Variants in TBC1D31 observed in about 807,000 individuals in gnomAD.
TBC1D31 encodes TBC1 domain family member 31.
In TBC1D31, 99 loss-of-function variants were observed where a neutral mutation model predicts 132.9. The ratio of observed to expected loss-of-function variants is 0.74; its 90% CI spans 0.63 to 0.88. TBC1D31 has a LOEUF of 0.88. TBC1D31 is among the 40% of genes least tolerant of loss of function. TBC1D31 has a pLI of 0.00. For synonymous variants in TBC1D31, 385 were observed against 419.4 expected, an observed-to-expected ratio of 0.92 and a Z score of 1.00; for missense variants, 1,134 against 1,256.6, an observed-to-expected ratio of 0.90 and a Z score of 1.48.
intron 6 of TBC1D31, 170 bp downstream of exon 6, chr8:123,097,611 T>C (rs1431036731): frequency 4.5e-6 from 3 of 664,900 alleles, no homozygotes; most frequent in Non-Finnish European, 7.0e-6. Flanking sequence ...TTCAAAATCT[T>C]GTATTCTTTA....
At chr8:123,116,641 C>T (rs1818936995) in intron 10 of TBC1D31, among the ~76,000 whole-genome samples, 2 of 151,946 alleles carry the variant, frequency 1.3e-5, no homozygotes, top group Non-Finnish European at 2.9e-5. Flanking sequence ...ACCCTGGTAA[C>T]AGTGAGCGCA....
chr8:123,097,646 A>C (rs1174918250), intron 6 of TBC1D31: 5 of 484,776 alleles, frequency 1.0e-5, no homozygotes, highest in Non-Finnish European at 1.7e-5. Flanking sequence ...TGCTCTTTTT[A>C]TAAAATCAAC....
At chr8:123,162,264 G>T in the TBC1D31 span, among the ~76,000 whole-genome samples, 1 of 152,048 alleles carries the variant, frequency 6.6e-6, no homozygotes, top group Admixed American at 6.6e-5. Context: ...ACAAAAAATA[G>T]AGTTTATTAG....
intron 4 of TBC1D31, among the ~76,000 whole-genome samples, chr8:123,085,840 A>G (rs540503759): frequency 1.3e-5 from 2 of 152,304 alleles, no homozygotes; most frequent in African/African-American, 4.8e-5. Flanking sequence ...GTTTTTTTCC[A>G]ACTATGTAGA....
chr8:123,156,425 A>G (rs1413995242), downstream of TBC1D31, among the ~76,000 whole-genome samples: 1 of 139,772 alleles, frequency 7.2e-6, no homozygotes, highest in Non-Finnish European at 1.5e-5. Context: ...TGGGCAACAG[A>G]GTGAGACCCT....
chr8:123,115,965 A>G (rs1349523880), intron 10 of TBC1D31, among the ~76,000 whole-genome samples: 1 of 152,178 alleles, frequency 6.6e-6, no homozygotes, highest in Non-Finnish European at 1.5e-5. Flanking sequence ...GGAGGGGGAC[A>G]GTTTTCATTA....
the TBC1D31 span, among the ~76,000 whole-genome samples, chr8:123,158,019 T>C: frequency 1.2e-4 from 1 of 8,082 alleles, no homozygotes; most frequent in African/African-American, 8.3e-4. Flanking sequence ...TTTTTCTTCC[T>C]TTTTTTTTTT....
chr8:123,159,916 G>A, the TBC1D31 span, among the ~76,000 whole-genome samples: 1 of 152,176 alleles, frequency 6.6e-6, no homozygotes, highest in Non-Finnish European at 1.5e-5. Flanking sequence ...AACAGTTTTA[G>A]CGTCACAGAA....
chr8:123,073,482 C>T, intron 1 of TBC1D31: 4 of 443,216 alleles, frequency 9.0e-6, no homozygotes, highest in South Asian at 1.6e-5. Flanking sequence ...GCTTCTAGTA[C>T]GGCCAGCGCT....
intron 4 of TBC1D31, among the ~76,000 whole-genome samples, chr8:123,091,438 G>A (rs1022921447): frequency 1.3e-5 from 2 of 152,018 alleles, no homozygotes; most frequent in Admixed American, 1.3e-4. Flanking sequence ...GTTCTAATGC[G>A]TTCATTATAG....
chr8:123,082,676 A>T (rs930055690), intron 2 of TBC1D31, 26 bp from the exon 3 acceptor site: 1 of 1,459,224 alleles, frequency 6.9e-7, no homozygotes, highest in South Asian at 1.2e-5. Context: ...AGAATTTGTG[A>T]TACTAATGCA....
chr8:123,138,660 T>C (rs1396089330), intron 17 of TBC1D31, among the ~76,000 whole-genome samples: 1 of 152,244 alleles, frequency 6.6e-6, no homozygotes, highest in Admixed American at 6.5e-5. Context: ...ATATTTCATA[T>C]AAATGGAATC....
chr8:123,100,824 T>C lies in TBC1D31; in HGVS notation c.849T>C (p.Ser283=). The C allele has an allele frequency of 6.2e-7, 1 of 1,613,468 alleles. No homozygotes were observed. Among genetic ancestry groups the C allele is most frequent in the East Asian group, 2.2e-5 (1 of 44,834 alleles). The part of the protein sequence containing the change: ...AGSNQVLGVL[S]QDGIMRFINM... ...TCTCTTAGGTTCTTGGAGTACTAAG[T>C]CAAGATGGTATTATGAGATTTATCA... Residue 283 remains serine, a synonymous_variant, in exon 7 of 22, where the codon AGT becomes AGC. Transcript: ENST00000287380.
the TBC1D31 span, among the ~76,000 whole-genome samples, chr8:123,157,641 G>T: frequency 6.6e-6 from 1 of 152,086 alleles, no homozygotes; most frequent in African/African-American, 2.4e-5. Context: ...TGGGTGCTGC[G>T]TTCACAGGAA....
At chr8:123,144,295 A>C (rs1821974415) in intron 19 of TBC1D31, among the ~76,000 whole-genome samples, 1 of 152,198 alleles carries the variant, frequency 6.6e-6, no homozygotes, top group Non-Finnish European at 1.5e-5. Context: ...TGTGGTCATC[A>C]TGTGGACCAG....
chr8:123,126,419 A>G (rs1820037393), intron 12 of TBC1D31, 89 bp from the exon 13 acceptor site: 13 of 1,286,164 alleles, frequency 1.0e-5, no homozygotes, highest in Non-Finnish European at 1.3e-5. Flanking sequence ...TGATTTTCAT[A>G]GCTTAAATCG....
chr8:123,094,245 G>A (rs1199722274), intron 5 of TBC1D31, among the ~76,000 whole-genome samples: 1 of 151,820 alleles, frequency 6.6e-6, no homozygotes, highest in Non-Finnish European at 1.5e-5. Context: ...TGTATTTTTA[G>A]TAGAGACAGG....
intron 8 of TBC1D31, among the ~76,000 whole-genome samples, chr8:123,109,071 G>A (rs1205889251): frequency 1.3e-5 from 2 of 152,134 alleles, no homozygotes; most frequent in Admixed American, 1.3e-4. Context: ...GCATATCATG[G>A]CCCTTTACAG....
chr8:123,163,364 C>CTTT, the TBC1D31 span, among the ~76,000 whole-genome samples: 69,297 of 109,920 alleles, frequency 0.63, 24,316 homozygotes, highest in Non-Finnish European at 0.73. Context: ...TCACTTTAAC[C>CTTT]TTTTTTTTTT....
Sources: allele counts gnomAD v4.1 joint callset (sites outside exome capture counted in the v4.1 genomes callset), GRCh38; gene constraint gnomAD v4.1.1; transcripts MANE v1.5; gene names NCBI Gene and HGNC (gene_info 2026-07-23, HGNC 2026-07-21).